The following ACAP2 variants were observed in gnomAD, a reference collection of about 807,000 sequenced individuals.
ACAP2 encodes arf-GAP with coiled-coil, ANK repeat and PH domain-containing protein 2.
In ACAP2, 39 loss-of-function variants were observed where a neutral mutation model predicts 115.8. The ratio of observed to expected loss-of-function variants is 0.34; its 90% CI spans 0.26 to 0.44. The LOEUF is 0.44. Among genes scored for constraint, ACAP2 ranks in the 20% least tolerant of loss-of-function variants. The pLI is 1.00. For synonymous variants in ACAP2, 289 were observed against 315.8 expected, an observed-to-expected ratio of 0.92 and a Z score of 0.90; for missense variants, 662 against 927.6, an observed-to-expected ratio of 0.71 and a Z score of 3.72.
At chr3:195,428,240 T>C (rs527391346) in intron 1 of ACAP2, among the ~76,000 whole-genome samples, 2 of 150,704 alleles carry the variant, frequency 1.3e-5, no homozygotes, top group African/African-American at 2.4e-5. Flanking sequence ...TATGCAGTCA[T>C]ATATATAGGT....
At chr3:195,297,168 G>GA (rs774996304) in intron 16 of ACAP2, 22 bp downstream of exon 16, 16 of 1,595,056 alleles carry the variant, frequency 1.0e-5, no homozygotes, top group Non-Finnish European at 1.3e-5. Context: ...TAATTAGGGG[G>GA]AAAAAACAAC....
At chr3:195,390,406 C>T (rs902533460) in intron 2 of ACAP2, among the ~76,000 whole-genome samples, 1 of 152,066 alleles carries the variant, frequency 6.6e-6, no homozygotes, top group South Asian at 2.1e-4. Context: ...CAGTACTATA[C>T]AAAAATAACT....
intron 1 of ACAP2, among the ~76,000 whole-genome samples, chr3:195,440,896 C>T (rs1577491705): frequency 6.6e-6 from 1 of 152,020 alleles, no homozygotes; most frequent in Non-Finnish European, 1.5e-5. Context: ...TTGCAGCTAA[C>T]AATAATTGGA....
chr3:195,399,259 C>T (rs2108786824), intron 1 of ACAP2, among the ~76,000 whole-genome samples: 1 of 152,250 alleles, frequency 6.6e-6, no homozygotes, highest in Middle Eastern at 3.4e-3. Flanking sequence ...TCTTAAAAGA[C>T]AAGGAGTATG....
At chr3:195,305,903 T>G (rs1224324443) in intron 13 of ACAP2, among the ~76,000 whole-genome samples, 1 of 152,024 alleles carries the variant, frequency 6.6e-6, no homozygotes, top group Non-Finnish European at 1.5e-5. Context: ...AGTTTTGGAA[T>G]ACAATTTAGA....
chr3:195,298,439 A>G (rs1560214034), intron 15 of ACAP2, among the ~76,000 whole-genome samples: 2 of 151,918 alleles, frequency 1.3e-5, no homozygotes, highest in African/African-American at 4.8e-5. Context: ...TATTTGTAGT[A>G]GAGACAGGGT....
intron 4 of ACAP2, among the ~76,000 whole-genome samples, chr3:195,375,768 A>T (rs912791109): frequency 3.3e-5 from 5 of 152,190 alleles, no homozygotes. Flanking sequence ...GTGAGTTATG[A>T]TCATGCTACT....
chr3:195,438,029 CT>C (rs1343731977), intron 1 of ACAP2, among the ~76,000 whole-genome samples: 85 of 103,218 alleles, frequency 8.2e-4, no homozygotes, highest in Middle Eastern at 4.5e-3. Context: ...CAAGAATTTT[CT>C]TTTTTTTTTT....
intron 10 of ACAP2, among the ~76,000 whole-genome samples, chr3:195,309,489 T>C (rs1728622049): frequency 6.7e-6 from 1 of 149,636 alleles, no homozygotes; most frequent in African/African-American, 2.5e-5. Flanking sequence ...GAGGTTGCAG[T>C]GAGCCGAGAT....
At chr3:195,339,815 T>G (rs1379913033) in intron 6 of ACAP2, among the ~76,000 whole-genome samples, 1 of 152,038 alleles carries the variant, frequency 6.6e-6, no homozygotes, top group East Asian at 1.9e-4. Context: ...ATCCTCCCAG[T>G]ATAAAATTTG....
rs909009937 is a variant in ACAP2, at chr3:195,427,992, TATAC to T, written c.53+14799_53+14802del. 1.2e-4 allele frequency among the ~76,000 whole-genome samples: 16 copies of T among 137,592 alleles called. No individual in the cohort carries two copies. The South Asian group carries it at 1.6e-3, about 14-fold the overall frequency. 90.3% of individuals were successfully genotyped at this position (137,592 alleles called of 152,430 possible). On this transcript the variant is annotated intron_variant, in intron 1 of 22. Transcript: ENST00000326793. ...ACACACACAGATGCATATATATATA[TATAC>T]ACACACACGTCTAAAAGATAATTAG...
chr3:195,318,904 A>G (rs1287095579), intron 10 of ACAP2, among the ~76,000 whole-genome samples: 15 of 152,246 alleles, frequency 9.9e-5, no homozygotes. Flanking sequence ...CAGGGCATGT[A>G]AGAAATCTTT....
intron 4 of ACAP2, among the ~76,000 whole-genome samples, chr3:195,357,216 A>AG (rs1491522212): frequency 6.6e-6 from 1 of 151,980 alleles, no homozygotes; most frequent in Non-Finnish European, 1.5e-5. Flanking sequence ...AGGTGGACAC[A>AG]GGGGGTGACT....
chr3:195,372,366 T>C (rs533918367), intron 4 of ACAP2, among the ~76,000 whole-genome samples: 33 of 152,224 alleles, frequency 2.2e-4, no homozygotes, highest in Non-Finnish European at 4.0e-4. Context: ...GTGAAGCTTC[T>C]GCACATGAGT....
At chr3:195,282,835 T>C (rs1263711080) in intron 22 of ACAP2, 1 of 152,248 alleles carries the variant, frequency 6.6e-6, no homozygotes. Flanking sequence ...ACTGCTGTGT[T>C]TCCACTGACA....
intron 4 of ACAP2, among the ~76,000 whole-genome samples, chr3:195,347,013 T>A (rs1242142371): frequency 6.6e-6 from 1 of 152,074 alleles, no homozygotes; most frequent in African/African-American, 2.4e-5. Context: ...GGGGAGTTGA[T>A]GGAACTGTTG....
intron 6 of ACAP2, among the ~76,000 whole-genome samples, chr3:195,341,540 G>A (rs1418857101): frequency 6.6e-6 from 1 of 151,936 alleles, no homozygotes; most frequent in Non-Finnish European, 1.5e-5. Context: ...TAGCCAGGAT[G>A]GTCTCAATCT....
chr3:195,388,142 C>T lies in ACAP2; in HGVS notation c.111+3948G>A, dbSNP rs114800145. 1.7e-3 allele frequency among the ~76,000 whole-genome samples: 254 copies of T among 152,192 alleles called. 1 individual carries two copies. Among genetic ancestry groups the T allele is most frequent in the African/African-American group, 5.7e-3 (237 of 41,524 alleles). ...AAACAATGCAACAGAAGAAAAAGAGCCAATGTTTGTGTTCTTAACTACTAG... is the reference window on the plus strand; with the variant it reads ...AAACAATGCAACAGAAGAAAAAGAGTCAATGTTTGTGTTCTTAACTACTAG... On this transcript the variant is annotated intron_variant, in intron 2 of 22. Coordinates refer to ENST00000326793, the MANE Select transcript of ACAP2 (RefSeq NM_012287.6).
chr3:195,323,796 T>C (rs113397685), intron 9 of ACAP2, among the ~76,000 whole-genome samples: 5 of 145,626 alleles, frequency 3.4e-5, no homozygotes, highest in African/African-American at 1.2e-4. Context: ...CGAGTGGGGA[T>C]GGTTAATGGA....
Sources: gnomAD v4.1 joint callset for allele counts (sites outside exome capture counted in the v4.1 genomes callset) on GRCh38, gnomAD v4.1.1 for gene constraint, MANE v1.5 for transcripts, NCBI Gene and HGNC (gene_info 2026-07-23, HGNC 2026-07-21) for gene names.